CC2D2A: variants seen among roughly 807,000 people sequenced by gnomAD.
CC2D2A encodes coiled-coil and C2 domain containing 2A.
In CC2D2A, 155 loss-of-function variants were observed where a neutral mutation model predicts 212.9. The ratio of observed to expected loss-of-function variants is 0.73; its 90% confidence interval spans 0.64 to 0.83. The LOEUF (loss-of-function observed/expected upper bound fraction) is 0.83, where lower values mean the gene tolerates loss of function less well. CC2D2A is among the 40% of genes least tolerant of loss of function. The pLI is 0.00. For missense variants in CC2D2A, 1,856 were observed against 1,956.2 expected (o/e 0.95, Z 0.97); for synonymous variants, 667 against 686.5 (o/e 0.97, Z 0.44).
At chr4:15,589,903 GAAGCAGAATGACA>G (rs1442627899) in intron 33 of CC2D2A, among the ~76,000 whole-genome samples, 5 of 151,972 alleles carry the variant, frequency 3.3e-5, no homozygotes, top group Admixed American at 3.3e-4. Flanking sequence ...ACCTGCCCGA[GAAGCAGAATGACA>G]AAGCAGAATA....
At chr4:15,554,849 G>A (rs962615062) in intron 19 of CC2D2A, among the ~76,000 whole-genome samples, 2 of 152,160 alleles carry the variant, frequency 1.3e-5, no homozygotes, top group African/African-American at 4.8e-5. Flanking sequence ...AGAGTTGTAG[G>A]AATTAGTCAT....
intron 30 of CC2D2A, among the ~76,000 whole-genome samples, chr4:15,582,798 A>G (rs776593371): frequency 2.0e-5 from 3 of 152,166 alleles, no homozygotes; most frequent in Non-Finnish European, 1.5e-5. Flanking sequence ...TGCTCAAACT[A>G]TTCCAAAAAA....
chr4:15,574,516 AC>A (rs34590398), intron 29 of CC2D2A, among the ~76,000 whole-genome samples, 190 bp downstream of exon 29: 1 of 152,186 alleles, frequency 6.6e-6, no homozygotes, highest in Non-Finnish European at 1.5e-5. Flanking sequence ...CTTTCACTGA[AC>A]CAGTAATCGG....
intron 4 of CC2D2A, among the ~76,000 whole-genome samples, chr4:15,484,625 C>T (rs866536972): frequency 1.3e-5 from 2 of 151,692 alleles, no homozygotes; most frequent in South Asian, 2.1e-4. Context: ...AAGGTAGAGA[C>T]GAACAGGTAT....
At chr4:15,591,465 C>T (rs747892299) in intron 33 of CC2D2A, among the ~76,000 whole-genome samples, 4 of 150,832 alleles carry the variant, frequency 2.7e-5, no homozygotes, top group African/African-American at 7.3e-5. Flanking sequence ...GTGATCTGCC[C>T]GCCTCAGCCT....
At chr4:15,514,938 G>A in intron 9 of CC2D2A, 69 bp downstream of exon 9, 2 of 1,428,148 alleles carry the variant, frequency 1.4e-6, no homozygotes, top group Non-Finnish European at 1.9e-6. Flanking sequence ...AATATGGCTA[G>A]TGTATAAGGA....
At chr4:15,570,937 A>G (rs1258360826) in intron 28 of CC2D2A, among the ~76,000 whole-genome samples, 1 of 152,186 alleles carries the variant, frequency 6.6e-6, no homozygotes, top group Non-Finnish European at 1.5e-5. Context: ...TGTGCGATAC[A>G]TCCTTAACAC....
At chr4:15,556,178 A>G (rs751769637) in intron 20 of CC2D2A, among the ~76,000 whole-genome samples, 2 of 152,210 alleles carry the variant, frequency 1.3e-5, no homozygotes, top group Non-Finnish European at 2.9e-5. Context: ...TGGCAACTTC[A>G]TTATTCACAC....
intron 24 of CC2D2A, among the ~76,000 whole-genome samples, chr4:15,565,282 T>G (rs7658528): frequency 6.6e-6 from 1 of 152,220 alleles, no homozygotes; most frequent in Non-Finnish European, 1.5e-5. Flanking sequence ...TAAGGGAGCA[T>G]AGTTGATCCT....
At chr4:15,576,386 G>A in intron 29 of CC2D2A, 2 of 984,734 alleles carry the variant, frequency 2.0e-6, no homozygotes, top group Non-Finnish European at 2.4e-6. Context: ...TAGCAGATTA[G>A]AGTCTCTCCT....
chr4:15,479,652 T>C (rs748235676), intron 3 of CC2D2A, among the ~76,000 whole-genome samples: 1 of 152,144 alleles, frequency 6.6e-6, no homozygotes, highest in Non-Finnish European at 1.5e-5. Context: ...CCACGTGGGC[T>C]AGCTCTCTGG....
At chr4:15,539,877 G>C (rs1718331062) in intron 16 of CC2D2A, among the ~76,000 whole-genome samples, 1 of 152,080 alleles carries the variant, frequency 6.6e-6, no homozygotes, top group African/African-American at 2.4e-5. Flanking sequence ...AGTAATTTGA[G>C]CTATTTCATC....
chr4:15,549,886 G>C (rs1718908248), intron 17 of CC2D2A, among the ~76,000 whole-genome samples: 1 of 152,164 alleles, frequency 6.6e-6, no homozygotes, highest in Non-Finnish European at 1.5e-5. Flanking sequence ...CATTCAAGTG[G>C]TAAGTGGAAA....
chr4:15,562,508 G>C (rs1037135470), intron 23 of CC2D2A, among the ~76,000 whole-genome samples: 1 of 152,186 alleles, frequency 6.6e-6, no homozygotes, highest in Admixed American at 6.5e-5. Context: ...AGAGACATGA[G>C]AGAAGGAGTC....
rs191416578 is a variant in CC2D2A at position 15,584,997 on chromosome 4, A to T, written c.3976-1160A>T. 6.6e-5 allele frequency among the ~76,000 whole-genome samples: 10 copies of T among 152,310 alleles called. No individual in the cohort carries two copies. In the East Asian group the frequency reaches 1.7e-3, roughly 26 times the overall value. ...TTTTCAGAAAGACAAAAAATGACAA[A>T]TGCTGGCAAGGGTCTGAAGAAAGAG... On this transcript the variant is annotated intron_variant, in intron 30 of 36. Transcript: ENST00000424120.
intron 4 of CC2D2A, 85 bp downstream of exon 4, chr4:15,480,912 G>A: frequency 6.7e-7 from 1 of 1,489,448 alleles, no homozygotes; most frequent in Non-Finnish European, 9.0e-7. Flanking sequence ...TTTTTTATGG[G>A]TGTTATTTTT....
chr4:15,521,070 ATAAAG>A (rs1196221461), intron 11 of CC2D2A, among the ~76,000 whole-genome samples: 1 of 152,198 alleles, frequency 6.6e-6, no homozygotes, highest in Non-Finnish European at 1.5e-5. Context: ...GGGGCTTGTC[ATAAAG>A]CATCACAGAG....
At chr4:15,541,361 G>A (rs1328540117) in intron 17 of CC2D2A, among the ~76,000 whole-genome samples, 1 of 151,782 alleles carries the variant, frequency 6.6e-6, no homozygotes, top group Non-Finnish European at 1.5e-5. Flanking sequence ...TATAGTTACT[G>A]CCCCAATAAT....
intron 3 of CC2D2A, chr4:15,479,139 G>A: frequency 1.1e-6 from 1 of 930,146 alleles, no homozygotes; most frequent in Non-Finnish European, 1.7e-6. Flanking sequence ...ACTATGATGG[G>A]CAGTAGATGG....
Sources: allele counts gnomAD v4.1 joint callset (sites outside exome capture counted in the v4.1 genomes callset), GRCh38; gene constraint gnomAD v4.1.1; transcripts MANE v1.5; gene names NCBI Gene and HGNC (gene_info 2026-07-23, HGNC 2026-07-21).